The following AKAP13 variants were observed in gnomAD, a reference collection of about 807,000 sequenced individuals.
AKAP13 encodes the protein A-kinase anchoring protein 13, also known as A-kinase anchor protein 13.
Under a neutral mutation model 264.5 loss-of-function variants are expected in AKAP13, and 80 were observed. The observed-to-expected ratio is 0.30, with a 90% CI of 0.25 to 0.36. The LOEUF (loss-of-function observed/expected upper bound fraction) is 0.36, where lower values mean the gene tolerates loss of function less well. Ranked by LOEUF, AKAP13 falls within the 10% of genes least tolerant of loss-of-function variation. AKAP13 has a pLI of 1.00. For missense variants in AKAP13, 3,712 were observed against 3,435.2 expected, an observed-to-expected ratio of 1.08 and a Z score of -2.01; for synonymous variants, 1,380 against 1,250.2, an observed-to-expected ratio of 1.10 and a Z score of -2.19.
chr15:85,490,081 A>T (rs1480663478), intron 2 of AKAP13, among the ~76,000 whole-genome samples: 2 of 152,208 alleles, frequency 1.3e-5, no homozygotes, highest in African/African-American at 4.8e-5. Flanking sequence ...TAAGAATTGC[A>T]TTTTCAGTTC....
intron 8 of AKAP13, 24 bp downstream of exon 8, chr15:85,585,847 A>G: frequency 3.1e-6 from 5 of 1,611,978 alleles, no homozygotes; most frequent in Non-Finnish European, 4.2e-6. Context: ...GTAAGTCTAT[A>G]AGGGCACAAA....
rs1296708359 is a variant in AKAP13, at chr15:85,674,599, CTTGTAG to C, written c.5101+4775_5101+4780del. On this transcript the variant is annotated intron_variant, in intron 14 of 36. Coordinates refer to ENST00000394518, the MANE Select transcript of AKAP13 (RefSeq NM_007200.5). ...AAGCATGTTGTGATGGGAGTAGTAG[CTTGTAG>C]TTGTATGGCATGCATTAGACTATGA... is the stretch of plus-strand genomic sequence containing the variant. Among the ~76,000 whole-genome samples, 5 of 152,210 alleles carry C rather than the reference CTTGTAG, an allele frequency of 3.3e-5. No individual in the cohort carries two copies. In the East Asian group the frequency reaches 7.7e-4, roughly 23 times the overall value.
At chr15:85,676,454 A>G (rs571503349) in intron 14 of AKAP13, among the ~76,000 whole-genome samples, 7 of 152,362 alleles carry the variant, frequency 4.6e-5, no homozygotes, top group South Asian at 4.1e-4. Context: ...GCAGGAAAAG[A>G]TAAGTTCACT....
chr15:85,670,084 AT>A (rs533119562), intron 14 of AKAP13, among the ~76,000 whole-genome samples: 285 of 152,274 alleles, frequency 1.9e-3, no homozygotes, highest in African/African-American at 6.6e-3. Context: ...ACTTTTTAAA[AT>A]TTTTTTATTT....
intron 8 of AKAP13, among the ~76,000 whole-genome samples, chr15:85,595,092 TTTTTTGTTTTTG>T (rs1189567579): frequency 6.6e-6 from 1 of 152,124 alleles, no homozygotes; most frequent in Admixed American, 6.5e-5. Context: ...TTGGAGGGTT[TTTTTTGTTTTTG>T]TTTTTGTTTT....
Position 85,387,937 on chromosome 15 carries a change from G to A in AKAP13, c.-12+7139G>A, listed in dbSNP as rs571816896. Among the ~76,000 whole-genome samples, 18 of 152,008 alleles carry A rather than the reference G, an allele frequency of 1.2e-4. 1 individual carries two copies. In the South Asian group the frequency reaches 1.5e-3, roughly 12 times the overall value. ...GCTAAACTCATTTTTAGTAATAGAA[G>A]CTTTTTTTGTAGATTTTTGGAATTT... On this transcript the variant is annotated intron_variant, in intron 1 of 36. Coordinates refer to ENST00000394518, the MANE Select transcript of AKAP13 (RefSeq NM_007200.5).
rs188361656 is a variant in AKAP13 at position 85,708,325 on chromosome 15, T to A, written c.5532+239T>A. 6.2e-4 allele frequency among the ~76,000 whole-genome samples: 95 copies of A among 152,360 alleles called. No individual in the cohort carries two copies. Among genetic ancestry groups the A allele is most frequent in the African/African-American group, 2.3e-3 (94 of 41,596 alleles). ...AAACGCTTTCAGAACTTCTTCACGT[T>A]CAATATACATTTCTTCGTGATTTTA... On this transcript the variant is annotated intron_variant, in intron 18 of 36. Coordinates refer to ENST00000394518, the MANE Select transcript of AKAP13 (RefSeq NM_007200.5). The surrounding 1 kb of genome is among the most constrained non-coding windows in gnomAD (Gnocchi z 4.3).
At position 85,631,502 on chromosome 15, in the gene AKAP13, T is replaced by TCA. The variant is rs55928032; in HGVS notation, c.4162-7822_4162-7821dup. ...CACACTTTCTCTCTCTCTCTCTCTCTCACACACACACACACACACACACAC... is the reference window on the plus strand; with the variant it reads ...CACACTTTCTCTCTCTCTCTCTCTCTCACACACACACACACACACACACACAC... On this transcript the variant is annotated intron_variant, in intron 8 of 36. Transcript: ENST00000394518. Among the ~76,000 whole-genome samples the TCA allele has an allele frequency of 6.5e-3, 922 of 140,988 alleles. 5 individuals are homozygous for TCA. Among genetic ancestry groups the TCA allele is most frequent in the South Asian group, 0.011 (48 of 4,286 alleles). 92.5% of individuals were successfully genotyped at this position (140,988 alleles called of 152,430 possible).
intron 8 of AKAP13, among the ~76,000 whole-genome samples, chr15:85,618,120 G>C (rs1439713322): frequency 6.6e-6 from 1 of 152,200 alleles, no homozygotes; most frequent in East Asian, 1.9e-4. Context: ...AATAAAGCCT[G>C]TATGTAGCTG....
intron 19 of AKAP13, among the ~76,000 whole-genome samples, chr15:85,714,148 A>G (rs2086784548): frequency 1.3e-5 from 2 of 152,256 alleles, no homozygotes; most frequent in South Asian, 4.1e-4. Flanking sequence ...TATGTGTATT[A>G]TATACTGTAT....
At chr15:85,621,858 C>G (rs967734239) in intron 8 of AKAP13, among the ~76,000 whole-genome samples, 3 of 152,106 alleles carry the variant, frequency 2.0e-5, no homozygotes, top group African/African-American at 7.2e-5. Flanking sequence ...CCCCACAAAC[C>G]TACAGCTAAT....
chr15:85,606,376 A>G (rs1567151825), intron 8 of AKAP13, among the ~76,000 whole-genome samples: 1 of 152,254 alleles, frequency 6.6e-6, no homozygotes, highest in East Asian at 1.9e-4. Context: ...TGCTGGGATT[A>G]CAGGCATGAG....
chr15:85,726,403 T>G lies in AKAP13; in HGVS notation c.6746-7T>G. The G allele has an allele frequency of 6.2e-7, 1 of 1,611,110 alleles. No individual in the cohort carries two copies. Among genetic ancestry groups the G allele is most frequent in the Non-Finnish European group, 8.5e-7 (1 of 1,178,430 alleles). On this transcript the variant is annotated splice_region_variant and splice_polypyrimidine_tract_variant and intron_variant, in intron 26 of 36. Transcript: ENST00000394518. ...TTATCTTCCCTTCTCCCATTTCCAT[T>G]TTCCAGAGGTTCAAGCAGTTCTTCT...
chr15:85,599,754 G>A (rs565463953), intron 8 of AKAP13, among the ~76,000 whole-genome samples: 118 of 152,222 alleles, frequency 7.8e-4, no homozygotes, highest in African/African-American at 2.8e-3. Flanking sequence ...ATTATCTCTG[G>A]GCTGGGTGAG....
chr15:85,735,607 G>A lies in AKAP13; in HGVS notation c.7489G>A (p.Glu2497Lys). 6.2e-7 allele frequency: 1 copy of A among 1,613,298 alleles called. No individual in the cohort carries two copies. The highest frequency in any genetic ancestry group is 8.5e-7 in the Non-Finnish European group (1 of 1,179,752). Residue 2497 changes from glutamate to lysine, a missense_variant, in exon 32 of 37, where the codon GAA becomes AAA. Transcript: ENST00000394518. ...TGATGGCCAAGATCTTAGGAGAACG[G>A]AATCAGATAGTGGCCTAAAAAAGGT... ...GDDGQDLRRT[E>K]SDSGLKKGGN...
Position 85,581,843 on chromosome 15 carries a change from G to A in AKAP13, c.3775G>A (p.Val1259Ile). ...GGCTGCCAGCCGTATAGTGGATGCT[G>A]TCATCGAACAAGTCAAGGCCGCTGG... ...EEAASRIVDA[V>I]IEQVKAAGAL... The change falls in exon 7 of 37, where the codon GTC becomes ATC. Residue 1259 changes from valine to isoleucine, a missense_variant. Around this residue, in one of 3 missense-constraint regions of AKAP13, gnomAD observed 2,759 missense variants for 2,411.7 expected, o/e 1.14. Transcript: ENST00000394518. 6.2e-7 allele frequency: 1 copy of A among 1,614,218 alleles called. No individual in the cohort carries two copies. The highest frequency in any genetic ancestry group is 8.5e-7 in the Non-Finnish European group (1 of 1,180,030).
intron 8 of AKAP13, among the ~76,000 whole-genome samples, chr15:85,636,432 A>G (rs980670984): frequency 7.2e-5 from 11 of 152,214 alleles, no homozygotes; most frequent in Non-Finnish European, 1.3e-4. Flanking sequence ...ATATTGTTGA[A>G]TAAAAGTGAT....
At chr15:85,415,335 A>G in intron 1 of AKAP13, 1 of 1,577,940 alleles carries the variant, frequency 6.3e-7, no homozygotes, top group Non-Finnish European at 8.7e-7. Context: ...AAAAATGGAC[A>G]CAATAGCCAA....
intron 1 of AKAP13, among the ~76,000 whole-genome samples, chr15:85,456,951 A>G (rs975453220): frequency 4.6e-5 from 7 of 152,162 alleles, no homozygotes; most frequent in Admixed American, 1.3e-4. Context: ...CAATAACAGT[A>G]ATGACTATAG....
Sources: allele counts gnomAD v4.1 joint callset (sites outside exome capture counted in the v4.1 genomes callset), GRCh38; gene constraint gnomAD v4.1.1; regional missense constraint gnomAD v4.1.1; non-coding constraint Gnocchi (gnomAD v3.1); transcripts MANE v1.5; gene names NCBI Gene and HGNC (gene_info 2026-07-23, HGNC 2026-07-21).